Variants in FOXK2 observed in about 807,000 individuals in gnomAD.
The protein encoded by FOXK2 is forkhead box K2, also known as forkhead box protein K2.
A neutral mutation model predicts 53.3 loss-of-function variants in FOXK2; 24 were observed. The ratio of observed to expected loss-of-function variants is 0.45; its 90% confidence interval spans 0.33 to 0.63. The LOEUF is 0.63. Ranked by LOEUF, FOXK2 falls within the 30% of genes least tolerant of loss-of-function variation. FOXK2 has a pLI of 0.03. For synonymous variants in FOXK2, 505 were observed against 407.1 expected (o/e 1.24, Z -2.89); for missense variants, 952 against 910.5 (o/e 1.05, Z -0.59).
intron 1 of FOXK2, among the ~76,000 whole-genome samples, chr17:82,553,458 G>T (rs141347147): frequency 2.6e-4 from 40 of 152,374 alleles, no homozygotes; most frequent in African/African-American, 9.4e-4. Flanking sequence ...CTCCTGAGCT[G>T]TGTTGGCCCT....
chr17:82,582,961 T>C (rs1406520458), intron 5 of FOXK2, 27 bp downstream of exon 5: 1 of 1,499,474 alleles, frequency 6.7e-7, no homozygotes, highest in Non-Finnish European at 8.9e-7. Flanking sequence ...ACAAAAGGCC[T>C]CACTTCGTGC....
intron 1 of FOXK2, among the ~76,000 whole-genome samples, chr17:82,535,916 A>G (rs2044516340): frequency 6.6e-6 from 1 of 151,634 alleles, no homozygotes; most frequent in Admixed American, 6.6e-5. Context: ...GTAATTTTGT[A>G]TATTTAGTGG....
At position 82,601,523 on chromosome 17, in the gene FOXK2, C is replaced by A; in HGVS notation, c.*24C>A. ...AGCGACCGGGAGAGCTTTTCTTTAA[C>A]GATATCAACTCTGTGGTGCCAAAAG... On this transcript the variant is annotated 3_prime_UTR_variant, in exon 9 of 9. Transcript: ENST00000335255. The A allele has an allele frequency of 1.3e-6, 2 of 1,582,090 alleles. No individual in the cohort carries two copies. Among genetic ancestry groups the A allele is most frequent in the Admixed American group, 1.7e-5 (1 of 58,570 alleles).
At chr17:82,555,822 A>G (rs1406939371) in intron 1 of FOXK2, among the ~76,000 whole-genome samples, 2 of 137,612 alleles carry the variant, frequency 1.5e-5, no homozygotes, top group Non-Finnish European at 1.5e-5. Context: ...TGGGAGGCGG[A>G]GCTTGCAGTG....
intron 8 of FOXK2, chr17:82,599,263 A>G (rs1290402350): frequency 6.6e-6 from 1 of 151,854 alleles, no homozygotes; most frequent in African/African-American, 2.4e-5. Context: ...TTGCCCGGCT[A>G]ATGTTTTTGT....
intron 1 of FOXK2, among the ~76,000 whole-genome samples, chr17:82,538,408 C>G (rs2044541480): frequency 6.6e-6 from 1 of 152,118 alleles, no homozygotes; most frequent in Non-Finnish European, 1.5e-5. Flanking sequence ...TCACTTGAGC[C>G]CGGGAAGTTG....
intron 1 of FOXK2, among the ~76,000 whole-genome samples, chr17:82,535,063 A>G (rs1370839836): frequency 1.3e-5 from 2 of 152,036 alleles, no homozygotes; most frequent in African/African-American, 2.4e-5. Flanking sequence ...TATTTTTTGT[A>G]CAGATGGGGT....
chr17:82,589,300 G>C (rs939844756), intron 8 of FOXK2, among the ~76,000 whole-genome samples: 3 of 152,260 alleles, frequency 2.0e-5, no homozygotes, highest in Middle Eastern at 3.4e-3. Context: ...CTGTGGCCTG[G>C]TCTTTCCATC....
At chr17:82,573,830 G>GT (rs1226144633) in intron 4 of FOXK2, among the ~76,000 whole-genome samples, 1 of 152,236 alleles carries the variant, frequency 6.6e-6, no homozygotes, top group Non-Finnish European at 1.5e-5. Flanking sequence ...ATTTCTGTGT[G>GT]TTTTTTCTAA....
chr17:82,561,568 A>G (rs1353309126), intron 1 of FOXK2, among the ~76,000 whole-genome samples: 2 of 152,058 alleles, frequency 1.3e-5, no homozygotes, highest in Non-Finnish European at 2.9e-5. Flanking sequence ...CCACTCTGTG[A>G]GGGTCTGCTC....
At chr17:82,544,216 C>A (rs1555636438) in intron 1 of FOXK2, among the ~76,000 whole-genome samples, 1 of 152,190 alleles carries the variant, frequency 6.6e-6, no homozygotes, top group Non-Finnish European at 1.5e-5. Context: ...CCCGGCCAAG[C>A]TTTTACTTTG....
intron 8 of FOXK2, among the ~76,000 whole-genome samples, chr17:82,594,342 C>CA (rs1234796037): frequency 6.6e-6 from 1 of 152,054 alleles, no homozygotes; most frequent in Admixed American, 6.5e-5. Flanking sequence ...ACCAAAAATA[C>CA]AAAAAATTAG....
At chr17:82,550,405 C>T (rs1372128431) in intron 1 of FOXK2, among the ~76,000 whole-genome samples, 4 of 151,902 alleles carry the variant, frequency 2.6e-5, no homozygotes, top group Non-Finnish European at 5.9e-5. Context: ...TCCCATTGAA[C>T]TTCACTACAG....
At position 82,596,095 on chromosome 17, in the gene FOXK2, G is replaced by A. The variant is rs1028354755; in HGVS notation, c.1787-5208G>A. On this transcript the variant is annotated intron_variant, in intron 8 of 8. Coordinates refer to ENST00000335255, the MANE Select transcript of FOXK2 (RefSeq NM_004514.4). ...CATTTTTTGTAGACACATTAGAGTC[G>A]GTTGAGGCCACACCTGCGGCCACAG... The A allele has an allele frequency of 2.5e-5, 17 of 680,068 alleles. 1 individual carries two copies. Among genetic ancestry groups the A allele is most frequent in the Middle Eastern group, 7.0e-4 (1 of 1,438 alleles). 42.1% of individuals were successfully genotyped at this position (680,068 alleles called of 1,614,324 possible). A position where few individuals can be genotyped will look rare whatever the true frequency, so the allele number is the denominator to read the frequency against.
intron 8 of FOXK2, chr17:82,588,178 TGG>T (rs376829679): frequency 6.6e-6 from 1 of 152,386 alleles, no homozygotes; most frequent in African/African-American, 2.4e-5. Context: ...ACTGACTACC[TGG>T]GGTTTTTTTT....
At chr17:82,583,723 G>T (rs375116081) in intron 5 of FOXK2, among the ~76,000 whole-genome samples, 2 of 152,284 alleles carry the variant, frequency 1.3e-5, no homozygotes, top group East Asian at 3.9e-4. Flanking sequence ...CGGCTCCACC[G>T]TCAGTGCACG....
chr17:82,603,931 T>A lies in FOXK2; in HGVS notation c.*2432T>A, dbSNP rs567136190. Reference sequence around the variant, plus strand: ...AGCAGACTCCCACACCGGGTTTTCTTGCCCGTCTTTAAGGCACTGTTTCTA... The same window carrying A: ...AGCAGACTCCCACACCGGGTTTTCTAGCCCGTCTTTAAGGCACTGTTTCTA... On this transcript the variant is annotated 3_prime_UTR_variant, in exon 9 of 9. Coordinates refer to ENST00000335255, the MANE Select transcript of FOXK2 (RefSeq NM_004514.4). 6.6e-6 allele frequency: 1 copy of A among 152,312 alleles called. No individual in the cohort carries two copies. Among genetic ancestry groups the A allele is most frequent in the South Asian group, 2.1e-4 (1 of 4,830 alleles). 9.4% of individuals were successfully genotyped at this position (152,312 alleles called of 1,614,324 possible).
intron 4 of FOXK2, chr17:82,578,223 CA>C (rs1427554953): frequency 6.6e-6 from 1 of 152,342 alleles, no homozygotes; most frequent in Non-Finnish European, 1.5e-5. Flanking sequence ...GGTGAGGAAA[CA>C]GACAAACCGT....
At chr17:82,581,382 C>G (rs763239487) in intron 4 of FOXK2, among the ~76,000 whole-genome samples, 1 of 152,046 alleles carries the variant, frequency 6.6e-6, no homozygotes, top group African/African-American at 2.4e-5. Flanking sequence ...TCACTGCAAC[C>G]TCCTCCTCTC....
Sources: allele counts gnomAD v4.1 joint callset (sites outside exome capture counted in the v4.1 genomes callset), GRCh38; gene constraint gnomAD v4.1.1; transcripts MANE v1.5; gene names NCBI Gene and HGNC (gene_info 2026-07-23, HGNC 2026-07-21).